Variants in PINX1 observed in about 807,000 individuals in gnomAD.
The protein encoded by PINX1 is PIN2 (TERF1) interacting telomerase inhibitor 1.
A neutral mutation model predicts 25.4 loss-of-function variants in PINX1; 34 were observed. The observed-to-expected ratio is 1.34, with a 90% CI of 1.02 to 1.78. PINX1 has a LOEUF of 1.78. Among genes scored for constraint, PINX1 ranks in the 40% most tolerant of loss-of-function variants. The pLI is 0.00. For missense variants in PINX1, 592 were observed against 404.9 expected (o/e 1.46, Z -3.97); for synonymous variants, 197 against 147.7 (o/e 1.33, Z -2.42).
chr8:10,835,328 C>G (rs959234173), intron 1 of PINX1, among the ~76,000 whole-genome samples: 3 of 152,200 alleles, frequency 2.0e-5, no homozygotes, highest in Non-Finnish European at 2.9e-5. Flanking sequence ...ATATGAAAAT[C>G]TGAGGCTTAG....
chr8:10,803,014 C>T (rs1360628786), intron 6 of PINX1, among the ~76,000 whole-genome samples: 1 of 152,108 alleles, frequency 6.6e-6, no homozygotes, highest in African/African-American at 2.4e-5. Flanking sequence ...ACTTCAATGT[C>T]ACACAAAATT....
At chr8:10,828,577 G>C (rs1199692710) in intron 4 of PINX1, among the ~76,000 whole-genome samples, 1 of 152,168 alleles carries the variant, frequency 6.6e-6, no homozygotes, top group African/African-American at 2.4e-5. Context: ...TCACAGAGCA[G>C]CTCTCTCAGC....
At chr8:10,794,619 G>C (rs1309551026) in intron 6 of PINX1, among the ~76,000 whole-genome samples, 1 of 152,024 alleles carries the variant, frequency 6.6e-6, no homozygotes, top group African/African-American at 2.4e-5. Flanking sequence ...TAGAGACGGG[G>C]TTTCACCATG....
At chr8:10,813,759 C>A (rs1797608818) in intron 6 of PINX1, among the ~76,000 whole-genome samples, 1 of 151,980 alleles carries the variant, frequency 6.6e-6, no homozygotes, top group Non-Finnish European at 1.5e-5. Context: ...CAGAAGCATG[C>A]TAGACAGAGA....
chr8:10,792,238 C>T (rs1373035373), intron 6 of PINX1, among the ~76,000 whole-genome samples: 1 of 152,064 alleles, frequency 6.6e-6, no homozygotes, highest in Non-Finnish European at 1.5e-5. Context: ...CCTCTCTGCC[C>T]TCTTTCCACT....
At position 10,780,994 on chromosome 8, in the gene PINX1, C is replaced by CA. The variant is rs533867238; in HGVS notation, c.472-15079dup. On this transcript the variant is annotated intron_variant, in intron 6 of 6. Coordinates refer to ENST00000314787, the MANE Select transcript of PINX1 (RefSeq NM_017884.6). ...TAATTAAAACAGTATGGTACTGGCA[C>CA]AAAAAACAGACACACAGACCAATGG... Among the ~76,000 whole-genome samples the CA allele has an allele frequency of 4.9e-4, 75 of 152,060 alleles. No individual in the cohort carries two copies. The South Asian group carries it at 0.015, about 30-fold the overall frequency.
At chr8:10,770,298 G>C (rs17152345) in intron 6 of PINX1, among the ~76,000 whole-genome samples, 2,584 of 152,316 alleles carry the variant, frequency 0.017, 72 homozygotes, top group African/African-American at 0.059. Flanking sequence ...GTCACGATTA[G>C]AGCTGGAGAA....
chr8:10,825,329 A>G (rs537066632), intron 5 of PINX1: 2 of 534,770 alleles, frequency 3.7e-6, no homozygotes, highest in Non-Finnish European at 7.7e-6. Flanking sequence ...AGGTAGAAAC[A>G]CATCCAACCT....
At chr8:10,773,630 C>A (rs933722633) in intron 6 of PINX1, among the ~76,000 whole-genome samples, 4 of 152,178 alleles carry the variant, frequency 2.6e-5, no homozygotes, top group Non-Finnish European at 5.9e-5. Context: ...CCAATGGTAA[C>A]AGAGCTGTTA....
In PINX1 at chr8:10,834,718, T is replaced by C; in HGVS notation, c.77A>G (p.Asp26Gly). 1.2e-6 allele frequency: 2 copies of C among 1,613,992 alleles called. No individual in the cohort carries two copies. The highest frequency in any genetic ancestry group is 1.6e-4 in the Middle Eastern group (1 of 6,062). ...DPQNTAWSND[D>G]SKFGQRMLEK... ...TAGCATCCGCTGGCCAAACTTGGAA[T>C]CGTCATTACTCCAGGCAGTGTTCTG... Residue 26 changes from aspartate (D) to glycine (G), a missense_variant, in exon 2 of 7, where the codon GAT (aspartate) becomes GGT (glycine). Asp to Gly is a moderately conservative substitution (Grantham distance 94). Transcript: ENST00000314787.
At chr8:10,782,761 A>T (rs1477613889) in intron 6 of PINX1, among the ~76,000 whole-genome samples, 2 of 148,336 alleles carry the variant, frequency 1.3e-5, no homozygotes, top group Non-Finnish European at 3.0e-5. Context: ...CAGGAGCCAG[A>T]CTCCCACTGG....
chr8:10,825,540 C>G, intron 5 of PINX1: 1 of 508,292 alleles, frequency 2.0e-6, no homozygotes, highest in Non-Finnish European at 4.1e-6. Flanking sequence ...CAACCGCATG[C>G]ACAAATGATT....
At chr8:10,824,980 G>C (rs939046462) in intron 5 of PINX1, among the ~76,000 whole-genome samples, 2 of 152,204 alleles carry the variant, frequency 1.3e-5, no homozygotes, top group African/African-American at 4.8e-5. Flanking sequence ...AGTCAGAAGG[G>C]ATACGGGCGA....
intron 6 of PINX1, among the ~76,000 whole-genome samples, chr8:10,812,779 T>C (rs541300488): frequency 1.3e-4 from 20 of 152,300 alleles, no homozygotes; most frequent in African/African-American, 4.3e-4. Flanking sequence ...TACAAGTCTG[T>C]TGCTTTCAGC....
chr8:10,820,076 A>G (rs1056694822), intron 6 of PINX1, 117 bp downstream of exon 6: 8 of 711,318 alleles, frequency 1.1e-5, no homozygotes, highest in South Asian at 4.6e-5. Context: ...TGAAGCCTCC[A>G]AAGTGTTTTG....
At position 10,825,587 on chromosome 8, in the gene PINX1, A is replaced by T. The variant is rs762706514; in HGVS notation, c.394+565T>A. The T allele has an allele frequency of 2.9e-4, 114 of 392,954 alleles. 1 individual carries two copies. The highest frequency in any genetic ancestry group is 4.9e-4 in the Non-Finnish European group (95 of 191,958). The allele number at this position is 392,954 out of a possible 1,614,324, so 24.3% of individuals were successfully genotyped here. A position where few individuals can be genotyped will look rare whatever the true frequency, so the allele number is the denominator to read the frequency against. On this transcript the variant is annotated intron_variant, in intron 5 of 6. Coordinates refer to ENST00000314787, the MANE Select transcript of PINX1 (RefSeq NM_017884.6). ...GAAGGGGCTAGGGAGGTGGTGATGAAGGAATAGGAATTCTCACCCAGGTCT... is the reference window on the plus strand; with the variant it reads ...GAAGGGGCTAGGGAGGTGGTGATGATGGAATAGGAATTCTCACCCAGGTCT...
intron 1 of PINX1, among the ~76,000 whole-genome samples, chr8:10,839,286 C>A (rs1272835265): frequency 6.6e-6 from 1 of 152,224 alleles, no homozygotes; most frequent in Non-Finnish European, 1.5e-5. Context: ...AGACTTCTAA[C>A]TCCTTTGCTT....
intron 5 of PINX1, among the ~76,000 whole-genome samples, chr8:10,824,296 A>G (rs1275112245): frequency 1.3e-5 from 2 of 152,236 alleles, no homozygotes; most frequent in Non-Finnish European, 2.9e-5. Context: ...AAACTTTAAA[A>G]TAAGTGTGCA....
intron 6 of PINX1, among the ~76,000 whole-genome samples, chr8:10,773,922 C>T (rs773381133): frequency 2.6e-5 from 4 of 152,230 alleles, no homozygotes; most frequent in African/African-American, 9.6e-5. Context: ...GGAAGATAAA[C>T]GAGGCTCCTC....
Sources: gnomAD v4.1 joint callset for allele counts (sites outside exome capture counted in the v4.1 genomes callset) on GRCh38, gnomAD v4.1.1 for gene constraint, MANE v1.5 for transcripts, NCBI Gene and HGNC (gene_info 2026-07-23, HGNC 2026-07-21) for gene names.